Variants in FBP2 observed in about 807,000 individuals in gnomAD.
FBP2 encodes the protein fructose-bisphosphatase 2, also known as fructose-1,6-bisphosphatase isozyme 2.
FBP2 carries 27 observed loss-of-function variants against 31.6 expected under a neutral mutation model. That is an observed-to-expected ratio of 0.85 (90% CI 0.63 to 1.18). FBP2 has a LOEUF of 1.18. Among genes scored for constraint, FBP2 ranks in the 50% most tolerant of loss-of-function variants. FBP2 has a pLI of 0.00. For missense variants in FBP2, 421 were observed against 436.1 expected, an observed-to-expected ratio of 0.97 and a Z score of 0.31; for synonymous variants, 168 against 179.8, an observed-to-expected ratio of 0.93 and a Z score of 0.53.
At position 94,558,722 on chromosome 9, in the gene FBP2, T is replaced by C; in HGVS notation, c.*216A>G. 1.9e-6 allele frequency: 1 copy of C among 530,006 alleles called. No homozygotes were observed. The highest frequency in any genetic ancestry group is 3.4e-6 in the Non-Finnish European group (1 of 297,484). The allele number at this position is 530,006 out of a possible 1,614,324, so 32.8% of individuals were successfully genotyped here. A position where few individuals can be genotyped will look rare whatever the true frequency, so the allele number is the denominator to read the frequency against. ...CAGAAGACAAGCCAAAGTCGCACTT[T>C]CCACATGTGGGTTTTTATTTCTAGT... On this transcript the variant is annotated 3_prime_UTR_variant, in exon 7 of 7. Coordinates refer to ENST00000375337, the MANE Select transcript of FBP2 (RefSeq NM_003837.4).
intron 6 of FBP2, among the ~76,000 whole-genome samples, chr9:94,562,092 A>T (rs1012126817): frequency 2.0e-5 from 3 of 152,084 alleles, no homozygotes; most frequent in African/African-American, 7.2e-5. Flanking sequence ...CGGGCGGATC[A>T]CGAGGTCAGG....
Position 94,563,363 on chromosome 9 carries a change from G to A in FBP2, c.804C>T (p.Asn268=), listed in dbSNP as rs2131442571. 6.2e-7 allele frequency: 1 copy of A among 1,614,112 alleles called. No individual in the cohort carries two copies. The highest frequency in any genetic ancestry group is 8.5e-7 in the Non-Finnish European group (1 of 1,179,986). The change falls in exon 6 of 7, where the codon AAC becomes AAT. Residue 268 remains asparagine (N), a synonymous_variant. Transcript: ENST00000375337. The stretch of plus-strand genomic sequence containing the variant: ...TTACCTTGCCCTTAGGGCTCTTCTG[G>A]TTGGCTGGGTACAGGAAGATTCCTC... ...VYGGIFLYPA[N]QKSPKGKLRL...
intron 3 of FBP2, chr9:94,577,452 A>G (rs994073331): frequency 5.9e-5 from 9 of 152,320 alleles, no homozygotes; most frequent in African/African-American, 2.2e-4. Context: ...TCAGAGTTCA[A>G]ATGGTTAACC....
chr9:94,589,061 C>T (rs1248363279), intron 1 of FBP2, among the ~76,000 whole-genome samples: 1 of 152,208 alleles, frequency 6.6e-6, no homozygotes, highest in Admixed American at 6.5e-5. Context: ...ACATCTTACT[C>T]GATGCATTTT....
chr9:94,561,352 A>ATTCTTTTTTT (rs1827097968), intron 6 of FBP2, among the ~76,000 whole-genome samples: 1 of 54,970 alleles, frequency 1.8e-5, no homozygotes, highest in Non-Finnish European at 3.1e-5. Context: ...TGTGACCTGT[A>ATTCTTTTTTT]TTTTTTTTTT....
At chr9:94,571,959 ACT>A (rs1213924051) in intron 3 of FBP2, among the ~76,000 whole-genome samples, 20 of 152,024 alleles carry the variant, frequency 1.3e-4, no homozygotes, top group African/African-American at 3.6e-4. Flanking sequence ...GCAGTGTCTC[ACT>A]CTGCACACTC....
At chr9:94,587,155 T>G (rs1827436175) in intron 2 of FBP2, 152 bp downstream of exon 2, 1 of 657,630 alleles carries the variant, frequency 1.5e-6, no homozygotes, top group Non-Finnish European at 2.5e-6. Flanking sequence ...GCACAAGATT[T>G]CCAAGTAGAG....
chr9:94,575,165 A>G (rs913901821), intron 3 of FBP2, among the ~76,000 whole-genome samples: 1 of 152,214 alleles, frequency 6.6e-6, no homozygotes, highest in African/African-American at 2.4e-5. Context: ...ACAAATATAT[A>G]ATATACACTT....
At chr9:94,590,709 G>C (rs781515949) in intron 1 of FBP2, among the ~76,000 whole-genome samples, 3 of 152,202 alleles carry the variant, frequency 2.0e-5, no homozygotes, top group Non-Finnish European at 2.9e-5. Flanking sequence ...AGCCTCCACA[G>C]TGTGGAAAGA....
intron 4 of FBP2, 138 bp downstream of exon 4, chr9:94,571,324 C>A: frequency 3.3e-6 from 3 of 898,590 alleles, no homozygotes; most frequent in Middle Eastern, 3.6e-4. Context: ...GTTTTGGCTC[C>A]CCAAACTAGG....
intron 3 of FBP2, among the ~76,000 whole-genome samples, chr9:94,575,163 A>G (rs1489994562): frequency 6.6e-6 from 1 of 152,184 alleles, no homozygotes; most frequent in Non-Finnish European, 1.5e-5. Flanking sequence ...TTACAAATAT[A>G]TAATATACAC....
At chr9:94,578,521 A>G (rs1166158627) in intron 3 of FBP2, among the ~76,000 whole-genome samples, 1 of 152,090 alleles carries the variant, frequency 6.6e-6, no homozygotes, top group Admixed American at 6.5e-5. Flanking sequence ...ATAAATGCTT[A>G]TTGGATGTCT....
chr9:94,584,598 G>A lies in FBP2; in HGVS notation c.405C>T (p.Thr135=). 1.2e-6 allele frequency: 2 copies of A among 1,612,210 alleles called. No individual in the cohort carries two copies. The highest frequency in any genetic ancestry group is 1.7e-6 in the Non-Finnish European group (2 of 1,178,268). ...SNIDCLASIG[T]IFAIYRKTSE... is the part of the protein sequence containing the mutation. The stretch of plus-strand genomic sequence containing the variant: ...TCACCTTTCTATAGATGGCAAAGAT[G>A]GTTCCGATGGAGGCCAGGCAGTCAA... Residue 135 remains threonine (T), a synonymous_variant, in exon 3 of 7, where the codon ACC becomes ACT. Transcript: ENST00000375337.
At position 94,567,289 on chromosome 9, in the gene FBP2, T is replaced by A; in HGVS notation, c.686A>T (p.Gln229Leu). Residue 229 changes from glutamine to leucine, a missense_variant, in exon 5 of 7, where the codon CAG (glutamine) becomes CTG (leucine). By Grantham distance (113) the Gln-to-Leu change is moderately radical. Coordinates refer to ENST00000375337, the MANE Select transcript of FBP2 (RefSeq NM_003837.4). ...ACTCACCTCAGGGAATTTCTTTTTC[T>A]GCACATATTCAGTGGTGGCCGCATC... is the stretch of plus-strand genomic sequence containing the variant. ...YFDAATTEYV[Q>L]KKKFPEDGSA... 1 of 1,614,212 alleles carries A rather than the reference T, an allele frequency of 6.2e-7. No homozygotes were observed. The highest frequency in any genetic ancestry group is 8.5e-7 in the Non-Finnish European group (1 of 1,180,038).
intron 3 of FBP2, among the ~76,000 whole-genome samples, chr9:94,582,847 C>CTGTTAAATATGTATATTTTGCCAA: frequency 6.8e-6 from 1 of 146,610 alleles, no homozygotes; most frequent in Non-Finnish European, 1.5e-5. Context: ...CCTTCCCAGC[C>CTGTTAAATATGTATATTTTGCCAA]CCCTTTTTTT....
intron 1 of FBP2, among the ~76,000 whole-genome samples, chr9:94,591,241 G>A (rs569895816): frequency 5.6e-4 from 86 of 152,366 alleles, no homozygotes; most frequent in African/African-American, 2.0e-3. Context: ...CCCATGGAGT[G>A]GATGGGAGGC....
chr9:94,567,453 A>AC, intron 4 of FBP2, 46 bp from the exon 5 acceptor site: 2 of 1,557,572 alleles, frequency 1.3e-6, no homozygotes, highest in East Asian at 4.7e-5. Context: ...GAAGCCAGGA[A>AC]ACAAGCCAAC....
At chr9:94,589,043 G>C (rs1482941518) in intron 1 of FBP2, among the ~76,000 whole-genome samples, 1 of 152,158 alleles carries the variant, frequency 6.6e-6, no homozygotes, top group African/African-American at 2.4e-5. Context: ...AGCATTCCCT[G>C]GTCCCCAACA....
intron 3 of FBP2, among the ~76,000 whole-genome samples, chr9:94,579,851 T>C (rs1374020128): frequency 4.6e-5 from 7 of 152,242 alleles, no homozygotes; most frequent in African/African-American, 2.4e-5. Context: ...TTTATTATTA[T>C]GGCCTGGCAC....
Sources: allele counts gnomAD v4.1 joint callset (sites outside exome capture counted in the v4.1 genomes callset), GRCh38; gene constraint gnomAD v4.1.1; transcripts MANE v1.5; gene names NCBI Gene and HGNC (gene_info 2026-07-23, HGNC 2026-07-21).